BCAR1: variants seen among roughly 807,000 people sequenced by gnomAD.
BCAR1 encodes the protein BCAR1 scaffold protein, Cas family member.
BCAR1 carries 30 observed loss-of-function variants against 67.6 expected under a neutral mutation model. That is an observed-to-expected ratio of 0.44 (90% CI 0.33 to 0.60). The LOEUF is 0.60. BCAR1 is among the 20% of genes least tolerant of loss of function. The pLI, the probability that BCAR1 is intolerant of heterozygous loss-of-function variation, is 0.02. For synonymous variants in BCAR1, 626 were observed against 556.7 expected, an observed-to-expected ratio of 1.12 and a Z score of -1.75; for missense variants, 1,313 against 1,222.3, an observed-to-expected ratio of 1.07 and a Z score of -1.11.
intron 1 of BCAR1, chr16:75,247,727 G>A (rs368753320): frequency 7.4e-5 from 25 of 337,744 alleles, no homozygotes; most frequent in Middle Eastern, 9.6e-4. Context: ...ACCAACTGCA[G>A]AGAACACTGC....
chr16:75,264,304 G>A, intron 1 of BCAR1: 2 of 1,426,324 alleles, frequency 1.4e-6, no homozygotes, highest in Non-Finnish European at 1.8e-6. Context: ...GCCCAGGCTG[G>A]GATGTGGCCA....
chr16:75,248,367 G>A (rs988544794), intron 1 of BCAR1: 7 of 1,267,908 alleles, frequency 5.5e-6, no homozygotes, highest in Middle Eastern at 3.2e-4. Context: ...CTTGGGCCAA[G>A]TTTATTTCTG....
intron 1 of BCAR1, chr16:75,246,275 T>C (rs1345856037): frequency 2.0e-5 from 3 of 152,238 alleles, no homozygotes; most frequent in African/African-American, 7.2e-5. Context: ...CCAGCGCGCA[T>C]TGTTCTTTTA....
intron 1 of BCAR1, chr16:75,266,346 C>T (rs903954636): frequency 6.0e-6 from 1 of 166,180 alleles, no homozygotes; most frequent in African/African-American, 2.4e-5. Flanking sequence ...AGAGCGAGCC[C>T]CGAGACCCCC....
upstream of BCAR1, chr16:75,252,265 C>G: frequency 6.5e-7 from 1 of 1,536,688 alleles, no homozygotes. Context: ...CATCTGGGGA[C>G]TCGGGCTGGT....
chr16:75,249,997 G>A (rs1567616732), intron 1 of BCAR1: 1 of 152,266 alleles, frequency 6.6e-6, no homozygotes, highest in South Asian at 2.1e-4. Context: ...GGGGTTTGAG[G>A]AGCTGTCTCA....
At chr16:75,234,538 AG>A (rs1442444953) in intron 5 of BCAR1, among the ~76,000 whole-genome samples, 2 of 152,174 alleles carry the variant, frequency 1.3e-5, no homozygotes, top group African/African-American at 2.4e-5. Context: ...CCTCTGCTCC[AG>A]GGGCCAGCCT....
intron 2 of BCAR1, among the ~76,000 whole-genome samples, chr16:75,239,454 C>T (rs994167583): frequency 3.3e-5 from 5 of 152,166 alleles, no homozygotes; most frequent in Non-Finnish European, 7.4e-5. Flanking sequence ...AGCGGGGGGA[C>T]AAGCGAACTC....
intron 1 of BCAR1, among the ~76,000 whole-genome samples, chr16:75,267,050 C>T (rs1443526700): frequency 1.3e-5 from 2 of 152,204 alleles, no homozygotes; most frequent in Non-Finnish European, 2.9e-5. Context: ...GCTGACTTCC[C>T]CCAGCTCCCA....
intron 6 of BCAR1, among the ~76,000 whole-genome samples, chr16:75,231,771 G>A (rs562400762): frequency 2.6e-5 from 4 of 152,384 alleles, no homozygotes; most frequent in African/African-American, 9.6e-5. Context: ...TGAAGTCAGT[G>A]CTGGAGGCAC....
intron 1 of BCAR1, chr16:75,250,735 G>A (rs2077654352): frequency 1.0e-6 from 1 of 985,492 alleles, no homozygotes; most frequent in African/African-American, 1.7e-5. Context: ...GCTCTTGCGG[G>A]TCCCCCAACC....
chr16:75,252,103 G>T, upstream of BCAR1: 3 of 1,265,176 alleles, frequency 2.4e-6, no homozygotes, highest in Non-Finnish European at 3.3e-6. Context: ...GCCCCAGCCT[G>T]TAGGAGACGA....
chr16:75,257,435 G>A (rs183751048), intron 1 of BCAR1, among the ~76,000 whole-genome samples: 204 of 152,288 alleles, frequency 1.3e-3, no homozygotes, highest in African/African-American at 4.5e-3. Context: ...AGACAGAGCT[G>A]TGGCAGCCAC....
intron 3 of BCAR1, 60 bp from the exon 4 acceptor site, chr16:75,237,058 T>C (rs2077165825): frequency 2.0e-6 from 3 of 1,537,196 alleles, no homozygotes; most frequent in Non-Finnish European, 2.6e-6. Context: ...ATAGGAAAGG[T>C]GGGAACCCCG....
At chr16:75,249,720 C>G (rs1235180537) in intron 1 of BCAR1, 1 of 152,226 alleles carries the variant, frequency 6.6e-6, no homozygotes, top group African/African-American at 2.4e-5. Flanking sequence ...GTAGGACCTC[C>G]TAAAGGGACA....
Position 75,228,570 on chromosome 16 carries a change from C to G in BCAR1, c.*941G>C, listed in dbSNP as rs140461283. The G allele has an allele frequency of 6.6e-6, 1 of 152,470 alleles. No homozygotes were observed. Among genetic ancestry groups the G allele is most frequent in the East Asian group, 1.9e-4 (1 of 5,190 alleles). 9.4% of individuals were successfully genotyped at this position (152,470 alleles called of 1,614,324 possible). On this transcript the variant is annotated 3_prime_UTR_variant, in exon 7 of 7. Transcript: ENST00000162330. Reference sequence around the variant, plus strand: ...TTCCATGTGCACTTCGGGAGTTCCGCAGGCTGGGATGAGATTCTTTTAAGC... The same window carrying G: ...TTCCATGTGCACTTCGGGAGTTCCGGAGGCTGGGATGAGATTCTTTTAAGC...
rs545707036 is a variant in BCAR1 at position 75,231,727 on chromosome 16, G to A, written c.2101-1704C>T. ...CACTGTTCACAAAAGTAAAACTCTG[G>A]GAACAGCCTAAGTGTCCAACAGCAG... On this transcript the variant is annotated intron_variant, in intron 6 of 6. Coordinates refer to ENST00000162330, the MANE Select transcript of BCAR1 (RefSeq NM_014567.5). 9.2e-5 allele frequency among the ~76,000 whole-genome samples: 14 copies of A among 152,302 alleles called. No individual in the cohort carries two copies. In the South Asian group the frequency reaches 2.7e-3, roughly 29 times the overall value.
At chr16:75,252,290 GC>G (rs1567619254), upstream of BCAR1, 3 of 1,536,668 alleles carry the variant, frequency 2.0e-6, no homozygotes. Flanking sequence ...CAGCTGATCT[GC>G]CTCCTCTCAT....
chr16:75,238,226 T>G, intron 2 of BCAR1: 1 of 1,182,930 alleles, frequency 8.5e-7, no homozygotes, highest in Non-Finnish European at 1.1e-6. Flanking sequence ...GGCAGCCTCC[T>G]TCCCTGAAGG....
Sources: gnomAD v4.1 joint callset for allele counts (sites outside exome capture counted in the v4.1 genomes callset) on GRCh38, gnomAD v4.1.1 for gene constraint, MANE v1.5 for transcripts, NCBI Gene and HGNC (gene_info 2026-07-23, HGNC 2026-07-21) for gene names.